C10orf105: variants seen among roughly 807,000 people sequenced by gnomAD.
C10orf105 encodes the protein chromosome 10 open reading frame 105.
C10orf105 carries 2 observed loss-of-function variants against 0.6 expected under a neutral mutation model. That is an observed-to-expected ratio of 3.18 (90% CI 1.30 to 10.01). The LOEUF is 10.01. Among genes scored for constraint, C10orf105 ranks in the 30% most tolerant of loss-of-function variants. C10orf105 has a pLI of 0.04. For synonymous variants in C10orf105, 95 were observed against 82.4 expected, an observed-to-expected ratio of 1.15 and a Z score of -0.83; for missense variants, 209 against 191.4, an observed-to-expected ratio of 1.09 and a Z score of -0.54.
chr10:71,732,454 T>C, intron 1 of C10orf105: 1 of 1,528,682 alleles, frequency 6.5e-7, no homozygotes, highest in Non-Finnish European at 8.8e-7. Context: ...TGCACAGCAC[T>C]CTCCTCTTTG....
At chr10:71,716,911 A>T (rs1589366895) in intron 1 of C10orf105, 1 of 152,336 alleles carries the variant, frequency 6.6e-6, no homozygotes, top group South Asian at 2.1e-4. Context: ...GAAATGTCAG[A>T]ATTTCACCAC....
chr10:71,724,388 G>T (rs1334914068), upstream of C10orf105, among the ~76,000 whole-genome samples: 1 of 152,186 alleles, frequency 6.6e-6, no homozygotes, highest in African/African-American at 2.4e-5. Context: ...TGCCTCCTGG[G>T]TTCAAGCGAT....
chr10:71,727,036 G>A (rs544670091), intron 1 of C10orf105, among the ~76,000 whole-genome samples: 9 of 152,286 alleles, frequency 5.9e-5, no homozygotes, highest in East Asian at 5.8e-4. Context: ...AGCTACTTAC[G>A]TCCTGCCCGT....
intron 1 of C10orf105, among the ~76,000 whole-genome samples, chr10:71,733,398 T>C (rs1839455188): frequency 1.3e-5 from 2 of 152,208 alleles, no homozygotes; most frequent in South Asian, 4.1e-4. Flanking sequence ...CTCCAGCCTC[T>C]GTCCTCTTCC....
intron 1 of C10orf105, chr10:71,732,232 G>A (rs2132825532): frequency 1.2e-6 from 2 of 1,613,758 alleles, no homozygotes; most frequent in Non-Finnish European, 1.7e-6. Flanking sequence ...ATACGAGGCT[G>A]CCATCCTGGA....
rs747849852 is a variant in C10orf105 at position 71,725,423 on chromosome 10, G to A, written c.-5-9081C>T. 1.8e-5 allele frequency: 29 copies of A among 1,613,902 alleles called. No homozygotes were observed. Among genetic ancestry groups the A allele is most frequent in the East Asian group, 2.2e-5 (1 of 44,900 alleles). On this transcript the variant is annotated intron_variant, in intron 1 of 1. Transcript: ENST00000398786. ...CATGTCAGCAATGGGCTCCTGATGCGAGGGCCCCGGCCCCTGGACCGGGAG... is the reference window on the plus strand; with the variant it reads ...CATGTCAGCAATGGGCTCCTGATGCAAGGGCCCCGGCCCCTGGACCGGGAG...
chr10:71,726,793 T>C (rs896400320), intron 1 of C10orf105, among the ~76,000 whole-genome samples: 2 of 152,230 alleles, frequency 1.3e-5, no homozygotes, highest in Admixed American at 6.5e-5. Flanking sequence ...GACTTCAGGC[T>C]TCCTAACCAC....
At chr10:71,716,953 G>C (rs1426261110) in intron 1 of C10orf105, 2 of 152,222 alleles carry the variant, frequency 1.3e-5, no homozygotes, top group Non-Finnish European at 2.9e-5. Flanking sequence ...CCTCATCCCT[G>C]TGTCTGGGGC....
chr10:71,735,314 G>T (rs1160115620), intron 1 of C10orf105, among the ~76,000 whole-genome samples: 6 of 152,214 alleles, frequency 3.9e-5, no homozygotes, highest in Admixed American at 3.9e-4. Flanking sequence ...AGGCAGAGAA[G>T]ACCATGTGCT....
Position 71,716,156 on chromosome 10 carries a change from G to A in C10orf105, c.182C>T (p.Pro61Leu), listed in dbSNP as rs1034223163. 27 of 1,550,712 alleles carry A rather than the reference G, an allele frequency of 1.7e-5. No individual in the cohort carries two copies. Among genetic ancestry groups the A allele is most frequent in the Middle Eastern group, 1.7e-4 (1 of 5,826 alleles). The change falls in exon 2 of 2, where the codon CCG becomes CTG. Residue 61 changes from proline (P) to leucine (L), a missense_variant. Coordinates refer to ENST00000441508, the MANE Select transcript of C10orf105 (RefSeq NM_001164375.3). ...GCGGCGGCTCGGGTCCAGCGCGGCC[G>A]GCTTGCAGAGCGTCATGAACAGCAG... ...TCLLFMTLCK[P>L]AALDPSRRRA... is the part of the protein sequence containing the mutation.
chr10:71,729,215 G>A (rs142674836), intron 1 of C10orf105, among the ~76,000 whole-genome samples: 3 of 152,312 alleles, frequency 2.0e-5, no homozygotes, highest in Admixed American at 6.5e-5. Flanking sequence ...GCTGGTAAGC[G>A]GTGAGGAAAA....
At chr10:71,725,958 G>A (rs1233863675) in intron 1 of C10orf105, among the ~76,000 whole-genome samples, 3 of 152,166 alleles carry the variant, frequency 2.0e-5, no homozygotes, top group Non-Finnish European at 4.4e-5. Context: ...TCCAAGTTCA[G>A]TGCCCTTTCC....
In C10orf105 at chr10:71,715,890, A is replaced by G. The variant is rs1468384274; in HGVS notation, c.*46T>C. On this transcript the variant is annotated 3_prime_UTR_variant, in exon 2 of 2. Coordinates refer to ENST00000441508, the MANE Select transcript of C10orf105 (RefSeq NM_001164375.3). ...ACCGGTCTCTGAAGCAGGAGGATCT[A>G]CAGGTAGACCTAGGGGGATGTGGGG... The G allele has an allele frequency of 2.5e-5, 36 of 1,427,916 alleles. No individual in the cohort carries two copies. The highest frequency in any genetic ancestry group is 3.3e-5 in the Non-Finnish European group (36 of 1,085,726). 88.5% of individuals were successfully genotyped at this position (1,427,916 alleles called of 1,614,324 possible).
rs1231678821 is a variant in C10orf105 at position 71,713,137 on chromosome 10, C to T, written c.*2799G>A. 2 of 778,454 alleles carry T rather than the reference C, an allele frequency of 2.6e-6. No homozygotes were observed. Among genetic ancestry groups the T allele is most frequent in the Non-Finnish European group, 4.8e-6 (2 of 417,462 alleles). 48.2% of individuals were successfully genotyped at this position (778,454 alleles called of 1,614,324 possible). A position where few individuals can be genotyped will look rare whatever the true frequency, so the allele number is the denominator to read the frequency against. On this transcript the variant is annotated 3_prime_UTR_variant, in exon 2 of 2. Coordinates refer to ENST00000441508, the MANE Select transcript of C10orf105 (RefSeq NM_001164375.3). ...GGGGAGAAAGAGACGTCACAATTTC[C>T]CGGAAAGGAGTTGAGAAGAGAGCCA...
upstream of C10orf105, among the ~76,000 whole-genome samples, chr10:71,723,404 C>T (rs1165565639): frequency 7.2e-5 from 11 of 152,042 alleles, no homozygotes; most frequent in Admixed American, 3.3e-4. Flanking sequence ...GTGACAACAA[C>T]GTCCCCCCCC....
In C10orf105 at chr10:71,716,193, G is replaced by A. The variant is rs1171766648; in HGVS notation, c.145C>T (p.Leu49=). Residue 49 remains leucine (L), a synonymous_variant, in exon 2 of 2, where the codon CTG becomes TTG. Transcript: ENST00000441508. ...LIALACIFLL[L]ATCLLFMTLC... Reference sequence around the variant, plus strand: ...GTCATGAACAGCAGACAGGTGGCCAGCAGGAGGAAGATGCAGGCCAGGGCG... The same window carrying A: ...GTCATGAACAGCAGACAGGTGGCCAACAGGAGGAAGATGCAGGCCAGGGCG... 1.3e-6 allele frequency: 2 copies of A among 1,551,112 alleles called. No homozygotes were observed. Among genetic ancestry groups the A allele is most frequent in the South Asian group, 1.2e-5 (1 of 84,042 alleles).
chr10:71,718,348 C>A (rs1055190281), intron 1 of C10orf105, among the ~76,000 whole-genome samples: 8 of 152,192 alleles, frequency 5.3e-5, no homozygotes, highest in African/African-American at 1.9e-4. Flanking sequence ...TGCAGAGCAC[C>A]CCACCTCCCA....
chr10:71,713,049 G>A lies in C10orf105; in HGVS notation c.*2887C>T, dbSNP rs1164450746. ...TAGGGCTCTGGCTCCCCACAAACAG[G>A]AGGAAGACTTGGCCTCCCCCTGCAT... is the stretch of plus-strand genomic sequence containing the variant. On this transcript the variant is annotated 3_prime_UTR_variant, in exon 2 of 2. Transcript: ENST00000441508. 1 of 736,626 alleles carries A rather than the reference G, an allele frequency of 1.4e-6. No homozygotes were observed. The highest frequency in any genetic ancestry group is 2.5e-6 in the Non-Finnish European group (1 of 397,786). 45.6% of individuals were successfully genotyped at this position (736,626 alleles called of 1,614,324 possible). A position where few individuals can be genotyped will look rare whatever the true frequency, so the allele number is the denominator to read the frequency against.
chr10:71,722,015 C>T (rs6480549), upstream of C10orf105, among the ~76,000 whole-genome samples: 23,219 of 152,222 alleles, frequency 0.15, 3,618 homozygotes, highest in African/African-American at 0.38. Context: ...CAGCCAATCC[C>T]ACCTTCACTG....
Sources: allele counts gnomAD v4.1 joint callset (sites outside exome capture counted in the v4.1 genomes callset), GRCh38; gene constraint gnomAD v4.1.1; transcripts MANE v1.5; gene names NCBI Gene and HGNC (gene_info 2026-07-23, HGNC 2026-07-21).